The following GRIK2 variants were observed in gnomAD, a reference collection of about 807,000 sequenced individuals.
GRIK2 encodes glutamate receptor ionotropic, kainate 2.
GRIK2 carries 32 observed loss-of-function variants against 100.3 expected under a neutral mutation model. That is an observed-to-expected ratio of 0.32 (90% CI 0.24 to 0.43). The LOEUF is 0.43. Ranked by LOEUF, GRIK2 falls within the 20% of genes least tolerant of loss-of-function variation. The pLI is 1.00. For synonymous variants in GRIK2, 417 were observed against 389.4 expected (o/e 1.07, Z -0.83); for missense variants, 843 against 1,114.9 (o/e 0.76, Z 3.47).
At chr6:101,783,007 C>T (rs1779195006) in intron 7 of GRIK2, among the ~76,000 whole-genome samples, 1 of 151,980 alleles carries the variant, frequency 6.6e-6, no homozygotes, top group Non-Finnish European at 1.5e-5. Context: ...CAGGCACCCG[C>T]CACCATGCCC....
At chr6:101,592,714 G>T (rs1166802863) in intron 2 of GRIK2, among the ~76,000 whole-genome samples, 4 of 149,430 alleles carry the variant, frequency 2.7e-5, no homozygotes, top group Non-Finnish European at 5.9e-5. Context: ...AAATTTCTAG[G>T]ATTGAATTGA....
chr6:101,570,774 TGACCTCCAGGGCCTTG>T (rs1777490412), intron 2 of GRIK2, among the ~76,000 whole-genome samples: 1 of 152,180 alleles, frequency 6.6e-6, no homozygotes, highest in African/African-American at 2.4e-5. Context: ...TGAACTTGGC[TGACCTCCAGGGCCTTG>T]GATGGGAGTC....
intron 14 of GRIK2, among the ~76,000 whole-genome samples, chr6:101,999,931 A>G (rs1480422780): frequency 1.3e-5 from 2 of 152,046 alleles, no homozygotes; most frequent in African/African-American, 2.4e-5. Context: ...ATCTATTGGG[A>G]TGATCATTTG....
rs140489387 is a variant in GRIK2, at chr6:101,823,758, C to A, written c.1317+5275C>A. On this transcript the variant is annotated intron_variant, in intron 10 of 16. Coordinates refer to ENST00000369134, the MANE Select transcript of GRIK2 (RefSeq NM_021956.5). ...CTGGTCTTGTTGCTGCTGCTGTTAG[C>A]TATGGGAAGTATCAGGGGACTAAGT... 5.8e-3 allele frequency among the ~76,000 whole-genome samples: 883 copies of A among 151,770 alleles called. 12 individuals are homozygous for A. The highest frequency in any genetic ancestry group is 0.02 in the African/African-American group (848 of 41,402).
chr6:101,857,349 A>G (rs1458324441), intron 10 of GRIK2, among the ~76,000 whole-genome samples: 2 of 152,222 alleles, frequency 1.3e-5, no homozygotes, highest in East Asian at 1.9e-4. Flanking sequence ...TCTAACACAC[A>G]GTGGCAGTGT....
intron 12 of GRIK2, chr6:101,891,664 T>G (rs1208762657): frequency 8.3e-6 from 3 of 361,468 alleles, no homozygotes; most frequent in Non-Finnish European, 1.6e-5. Flanking sequence ...CAGATAATTA[T>G]TATTTGCATT....
chr6:101,925,730 A>T (rs973201667), intron 13 of GRIK2, among the ~76,000 whole-genome samples: 1 of 151,592 alleles, frequency 6.6e-6, no homozygotes, highest in South Asian at 2.1e-4. Context: ...TGTATTTAAT[A>T]TCCACTTTGA....
intron 15 of GRIK2, among the ~76,000 whole-genome samples, chr6:102,042,099 G>A (rs892347341): frequency 2.0e-5 from 3 of 151,512 alleles, no homozygotes; most frequent in African/African-American, 4.8e-5. Context: ...CCTATCATAA[G>A]GCATTATCTG....
chr6:101,590,132 C>G (rs1778571301), intron 2 of GRIK2, among the ~76,000 whole-genome samples: 1 of 152,004 alleles, frequency 6.6e-6, no homozygotes, highest in Non-Finnish European at 1.5e-5. Context: ...TGTTTTTCCT[C>G]AATTTGTTAT....
rs967188924 is a variant in GRIK2, at chr6:101,874,335, ACC to A, written c.1524+14843_1524+14844del. Among the ~76,000 whole-genome samples, 123 of 152,190 alleles carry A rather than the reference ACC, an allele frequency of 8.1e-4. 1 individual carries two copies. The highest frequency in any genetic ancestry group is 6.8e-3 in the Middle Eastern group (2 of 294). On this transcript the variant is annotated intron_variant, in intron 11 of 16. Transcript: ENST00000369134. ...CATATGGCTAGCCAGTTTTCCCAGCACCATTTATTAAATAGGGAATCCTTTCC... is the reference window on the plus strand; with the variant it reads ...CATATGGCTAGCCAGTTTTCCCAGCAATTTATTAAATAGGGAATCCTTTCC...
chr6:102,065,113 ATT>A (rs1771952046), intron 16 of GRIK2, among the ~76,000 whole-genome samples: 1 of 151,248 alleles, frequency 6.6e-6, no homozygotes, highest in South Asian at 2.1e-4. Flanking sequence ...GAGACCATTG[ATT>A]GACTTATGAA....
intron 2 of GRIK2, among the ~76,000 whole-genome samples, chr6:101,582,592 A>C (rs1253686178): frequency 6.6e-6 from 1 of 152,152 alleles, no homozygotes; most frequent in East Asian, 1.9e-4. Flanking sequence ...TCTTCAAAGC[A>C]GCATGAGAAT....
At position 101,427,999 on chromosome 6, in the gene GRIK2, T is replaced by A. The variant is rs80021951; in HGVS notation, c.115+28607T>A. On this transcript the variant is annotated intron_variant, in intron 2 of 16. Transcript: ENST00000369134. ...TCAGATGTATGTACTCGGAAAGTAGTTCTGGAGTCATCTTTTGCTTAACAC... is the reference window on the plus strand; with the variant it reads ...TCAGATGTATGTACTCGGAAAGTAGATCTGGAGTCATCTTTTGCTTAACAC... 5.7e-3 allele frequency among the ~76,000 whole-genome samples: 870 copies of A among 152,286 alleles called. 3 individuals are homozygous for A. The highest frequency in any genetic ancestry group is 0.02 in the African/African-American group (843 of 41,564).
intron 2 of GRIK2, among the ~76,000 whole-genome samples, chr6:101,579,359 T>C (rs1777943460): frequency 6.6e-6 from 1 of 152,182 alleles, no homozygotes; most frequent in African/African-American, 2.4e-5. Flanking sequence ...GGAAGATTGC[T>C]TCCAAAATGC....
At chr6:101,536,143 G>T (rs138008469) in intron 2 of GRIK2, among the ~76,000 whole-genome samples, 1 of 151,568 alleles carries the variant, frequency 6.6e-6, no homozygotes, top group East Asian at 1.9e-4. Context: ...GTTTTTTTGT[G>T]TATGTGTGTG....
At chr6:101,509,989 A>G (rs946358557) in intron 2 of GRIK2, among the ~76,000 whole-genome samples, 1 of 152,326 alleles carries the variant, frequency 6.6e-6, no homozygotes, top group Admixed American at 6.5e-5. Context: ...TAAGAAATAA[A>G]TGTGAATTTC....
At chr6:101,430,751 G>T in intron 2 of GRIK2, 1 of 219,858 alleles carries the variant, frequency 4.5e-6, no homozygotes, top group Admixed American at 4.7e-5. Flanking sequence ...TGATGACCTA[G>T]CCGTAAATCA....
chr6:101,478,575 G>A (rs2852533), intron 2 of GRIK2, among the ~76,000 whole-genome samples: 38,323 of 147,662 alleles, frequency 0.26, 5,713 homozygotes, highest in East Asian at 0.36. Context: ...GTGCAGTGGC[G>A]CGATCTCAGC....
intron 2 of GRIK2, among the ~76,000 whole-genome samples, chr6:101,496,491 G>A (rs993238203): frequency 6.6e-6 from 1 of 152,102 alleles, no homozygotes; most frequent in Non-Finnish European, 1.5e-5. Context: ...AACTGTCAGT[G>A]GGTGTCAGTT....
Sources: allele counts gnomAD v4.1 joint callset (sites outside exome capture counted in the v4.1 genomes callset), GRCh38; gene constraint gnomAD v4.1.1; transcripts MANE v1.5; gene names NCBI Gene and HGNC (gene_info 2026-07-23, HGNC 2026-07-21).